Variants in GNA15 observed in about 807,000 individuals in gnomAD.
GNA15 encodes G protein subunit alpha 15.
GNA15 carries 23 observed loss-of-function variants against 40.1 expected under a neutral mutation model. The ratio of observed to expected loss-of-function variants is 0.57; its 90% CI spans 0.41 to 0.81. The LOEUF is 0.81. Ranked by LOEUF, GNA15 falls within the 40% of genes least tolerant of loss-of-function variation. GNA15 has a pLI of 0.00. For missense variants in GNA15, 522 were observed against 515.8 expected, an observed-to-expected ratio of 1.01 and a Z score of -0.12; for synonymous variants, 226 against 210.4, an observed-to-expected ratio of 1.07 and a Z score of -0.64.
chr19:3,151,764 C>T lies in GNA15; in HGVS notation c.543C>T (p.Asp181=), dbSNP rs768374256. ...AGGGCTACGTCCCCACAGCTCAGGA[C>T]GTGCTCCGCAGCCGCATGCCCACCA... ...TEEGYVPTAQ[D]VLRSRMPTTG... The change falls in exon 4 of 7, where the codon GAC becomes GAT. Residue 181 remains aspartate (D), a synonymous_variant. Transcript: ENST00000262958. The surrounding 1 kb of genome is among the most constrained non-coding windows in gnomAD (Gnocchi z 5.0). 15 of 1,612,658 alleles carry T rather than the reference C, an allele frequency of 9.3e-6. No homozygotes were observed. Among genetic ancestry groups the T allele is most frequent in the South Asian group, 3.3e-5 (3 of 91,052 alleles).
At chr19:3,144,259 C>G (rs1054689955) in intron 1 of GNA15, among the ~76,000 whole-genome samples, 2 of 152,124 alleles carry the variant, frequency 1.3e-5, no homozygotes, top group Non-Finnish European at 2.9e-5. Context: ...CTACTAGCCC[C>G]AAATAGCCAA....
intron 3 of GNA15, among the ~76,000 whole-genome samples, chr19:3,150,760 C>T (rs1350718556): frequency 1.3e-5 from 2 of 151,532 alleles, no homozygotes; most frequent in African/African-American, 4.9e-5. Flanking sequence ...TGACCCTGTT[C>T]TTGGGGGGAA....
At chr19:3,157,576 T>C (rs1915056504) in intron 5 of GNA15, 152 bp from the exon 6 acceptor site, 2 of 645,592 alleles carry the variant, frequency 3.1e-6, no homozygotes, top group African/African-American at 1.8e-5. Context: ...CAGCTGTCCA[T>C]ATGGAAACAC....
intron 6 of GNA15, among the ~76,000 whole-genome samples, chr19:3,158,845 A>T (rs1455601492): frequency 6.6e-6 from 1 of 151,962 alleles, no homozygotes; most frequent in Admixed American, 6.6e-5. Context: ...CATGTTGGTC[A>T]GGCTGGTCTC....
In GNA15 at chr19:3,148,574, T is replaced by C. The variant is rs1374138135; in HGVS notation, c.146-17T>C. The C allele has an allele frequency of 1.3e-6, 2 of 1,553,662 alleles. No individual in the cohort carries two copies. Among genetic ancestry groups the C allele is most frequent in the South Asian group, 1.2e-5 (1 of 84,214 alleles). Reference sequence around the variant, plus strand: ...AGTCCCGTGGAGGGCTGAGCGGTTCTGCTGCTCCATCCCCAGGCCCAGGCG... The same window carrying C: ...AGTCCCGTGGAGGGCTGAGCGGTTCCGCTGCTCCATCCCCAGGCCCAGGCG... On this transcript the variant is annotated splice_polypyrimidine_tract_variant and intron_variant, in intron 1 of 6. Transcript: ENST00000262958.
intron 1 of GNA15, among the ~76,000 whole-genome samples, chr19:3,148,293 T>C (rs1400921945): frequency 1.3e-5 from 2 of 152,000 alleles, no homozygotes; most frequent in African/African-American, 4.8e-5. Context: ...TCGCCATGTT[T>C]ACCAGGTTGG....
intron 6 of GNA15, 72 bp downstream of exon 6, chr19:3,157,953 C>G: frequency 8.1e-7 from 1 of 1,240,896 alleles, no homozygotes; most frequent in Non-Finnish European, 1.2e-6. Flanking sequence ...CTAATCCAGA[C>G]TCTACTTCAG....
chr19:3,162,991 G>GCTACCTGGAC lies in GNA15; in HGVS notation c.1098_1107dup (p.Glu370LeufsTer33). On this transcript the variant is annotated frameshift_variant, in exon 7 of 7. Coordinates refer to ENST00000262958, the MANE Select transcript of GNA15 (RefSeq NM_002068.4). LOFTEE classifies it high-confidence loss of function. Reference sequence around the variant, plus strand: ...GACGTGCGGGACTCGGTGCTCGCCCGCTACCTGGACGAGATCAACCTGCTG... The same window carrying GCTACCTGGAC: ...GACGTGCGGGACTCGGTGCTCGCCCGCTACCTGGACCTACCTGGACGAGATCAACCTGCTG... 1 of 1,613,304 alleles carries GCTACCTGGAC rather than the reference G, an allele frequency of 6.2e-7. No individual in the cohort carries two copies. Among genetic ancestry groups the GCTACCTGGAC allele is most frequent in the African/African-American group, 1.3e-5 (1 of 74,952 alleles).
rs1242908457 is a variant in GNA15, at chr19:3,150,194, G to T, written c.394G>T (p.Ala132Ser). The T allele has an allele frequency of 1.9e-6, 3 of 1,613,108 alleles. No homozygotes were observed. Among genetic ancestry groups the T allele is most frequent in the Non-Finnish European group, 1.7e-6 (2 of 1,179,732 alleles). The change falls in exon 3 of 7, where the codon GCT (alanine) becomes TCT (serine). Residue 132 changes from alanine (A) to serine (S), a missense_variant. Ala to Ser is a moderately conservative substitution (Grantham distance 99). Coordinates refer to ENST00000262958, the MANE Select transcript of GNA15 (RefSeq NM_002068.4). ...AGTGACCACGTTTGAGAAGCGCTAC[G>T]CTGCGGCCATGCAGTGGCTGTGGAG... ...YKVTTFEKRY[A>S]AAMQWLWRDA...
intron 2 of GNA15, 92 bp downstream of exon 2, chr19:3,148,867 T>TCAGGGCAGGG (rs201896289): frequency 4.5e-5 from 54 of 1,200,300 alleles, no homozygotes; most frequent in Middle Eastern, 2.6e-4. Flanking sequence ...TCCCCAGACT[T>TCAGGGCAGGG]CAGGGCAGGG....
intron 5 of GNA15, among the ~76,000 whole-genome samples, chr19:3,157,502 A>G (rs753233573): frequency 2.0e-5 from 3 of 152,322 alleles, no homozygotes; most frequent in South Asian, 2.1e-4. Context: ...CTGGGGGGAC[A>G]TGAATTTCGG....
chr19:3,162,192 G>A (rs930071753), intron 6 of GNA15, among the ~76,000 whole-genome samples: 7 of 151,312 alleles, frequency 4.6e-5, no homozygotes, highest in Admixed American at 1.3e-4. Flanking sequence ...TAATCCCAGC[G>A]CTTTGGGGGG....
Position 3,136,809 on chromosome 19 carries a change from C to T in GNA15, c.145+214C>T, listed in dbSNP as rs972520780. ...AGTTCCTTGTCCAACGTGCGACCAGCGGCCAGGTGCCCAGGCCTGTCCACT... is the reference window on the plus strand; with the variant it reads ...AGTTCCTTGTCCAACGTGCGACCAGTGGCCAGGTGCCCAGGCCTGTCCACT... On this transcript the variant is annotated intron_variant, in intron 1 of 6. Transcript: ENST00000262958. The surrounding 1 kb of genome is among the most constrained non-coding windows in gnomAD (Gnocchi z 4.9). Among the ~76,000 whole-genome samples, 5 of 152,238 alleles carry T rather than the reference C, an allele frequency of 3.3e-5. No homozygotes were observed. Among genetic ancestry groups the T allele is most frequent in the Admixed American group, 6.5e-5 (1 of 15,284 alleles).
intron 6 of GNA15, among the ~76,000 whole-genome samples, chr19:3,160,482 C>T (rs560192162): frequency 5.3e-5 from 8 of 152,288 alleles, no homozygotes; most frequent in South Asian, 2.1e-4. Flanking sequence ...AAATGTCAGA[C>T]GTTACTCTGC....
chr19:3,153,289 A>ATGGATGGGTGGATGAATGGG, intron 4 of GNA15, among the ~76,000 whole-genome samples: 1 of 151,060 alleles, frequency 6.6e-6, no homozygotes, highest in African/African-American at 2.4e-5. Flanking sequence ...ATGGAAGGGA[A>ATGGATGGGTGGATGAATGGG]TGGATGGGTG....
intron 2 of GNA15, 133 bp downstream of exon 2, chr19:3,148,908 C>A: frequency 1.2e-6 from 1 of 854,806 alleles, no homozygotes; most frequent in South Asian, 1.8e-5. Flanking sequence ...AGGGAAGGGT[C>A]CCCAGACCCT....
rs766416776 is a variant in GNA15 at position 3,136,258 on chromosome 19, C to T, written c.-193C>T. ...GTTCCCAGCACTCAAGCCTTGCCAC[C>T]GCCGAGCCGGGCTTCCTGGGTGTTT... On this transcript the variant is annotated 5_prime_UTR_variant, in exon 1 of 7. Coordinates refer to ENST00000262958, the MANE Select transcript of GNA15 (RefSeq NM_002068.4). The surrounding 1 kb of genome is among the most constrained non-coding windows in gnomAD (Gnocchi z 4.9). The T allele has an allele frequency of 9.5e-5, 56 of 588,956 alleles. No homozygotes were observed. The highest frequency in any genetic ancestry group is 1.9e-4 in the Admixed American group (6 of 32,186). The allele number at this position is 588,956 out of a possible 1,614,324, so 36.5% of individuals were successfully genotyped here. A position where few individuals can be genotyped will look rare whatever the true frequency, so the allele number is the denominator to read the frequency against.
intron 6 of GNA15, among the ~76,000 whole-genome samples, chr19:3,161,444 T>C (rs894585589): frequency 2.6e-5 from 4 of 152,188 alleles, no homozygotes; most frequent in African/African-American, 9.7e-5. Flanking sequence ...TTTGGTGAAG[T>C]CACCAGGTTT....
chr19:3,159,677 A>G (rs1282924320), intron 6 of GNA15, among the ~76,000 whole-genome samples: 1 of 152,230 alleles, frequency 6.6e-6, no homozygotes, highest in African/African-American at 2.4e-5. Flanking sequence ...GCTTTGAACA[A>G]TGTTTCCAAA....
Sources: allele counts gnomAD v4.1 joint callset (sites outside exome capture counted in the v4.1 genomes callset), GRCh38; gene constraint gnomAD v4.1.1; non-coding constraint Gnocchi (gnomAD v3.1); transcripts MANE v1.5; gene names NCBI Gene and HGNC (gene_info 2026-07-23, HGNC 2026-07-21).